Variants in EXT1 observed in about 807,000 individuals in gnomAD.
The protein encoded by EXT1 is exostosin-1.
EXT1 carries 20 observed loss-of-function variants against 82.5 expected under a neutral mutation model. That is an observed-to-expected ratio of 0.24 (90% confidence interval 0.17 to 0.35). The LOEUF (loss-of-function observed/expected upper bound fraction) is 0.35, where lower values mean the gene tolerates loss of function less well. Ranked by LOEUF, EXT1 falls within the 10% of genes least tolerant of loss-of-function variation. The pLI is 1.00. For missense variants in EXT1, 757 were observed against 936.5 expected, an observed-to-expected ratio of 0.81 and a Z score of 2.50; for synonymous variants, 348 against 350.8, an observed-to-expected ratio of 0.99 and a Z score of 0.09.
chr8:117,869,183 T>C (rs557381916), intron 1 of EXT1, among the ~76,000 whole-genome samples: 9 of 152,324 alleles, frequency 5.9e-5, no homozygotes, highest in African/African-American at 2.2e-4. Context: ...TGAACCCCAG[T>C]GAGCCTGCCC....
At chr8:117,860,116 C>T (rs1192132189) in intron 1 of EXT1, among the ~76,000 whole-genome samples, 2 of 132,548 alleles carry the variant, frequency 1.5e-5, no homozygotes, top group East Asian at 2.3e-4. Context: ...TACTGCCCTC[C>T]AGCCTGGGTA....
chr8:118,092,849 C>T (rs747845642), intron 1 of EXT1, among the ~76,000 whole-genome samples: 87 of 152,184 alleles, frequency 5.7e-4, no homozygotes, highest in African/African-American at 2.0e-3. Context: ...AATCACTAGG[C>T]CATTTGTAAA....
chr8:117,906,489 A>G (rs1813546780), intron 1 of EXT1, among the ~76,000 whole-genome samples: 3 of 152,350 alleles, frequency 2.0e-5, no homozygotes, highest in Middle Eastern at 6.8e-3. Flanking sequence ...CTAAGTTGCC[A>G]TCAGTTGAAA....
chr8:118,001,725 A>T (rs1815671018), intron 1 of EXT1, among the ~76,000 whole-genome samples: 1 of 152,190 alleles, frequency 6.6e-6, no homozygotes, highest in Admixed American at 6.5e-5. Flanking sequence ...ATATTTTATA[A>T]ACCAGTGATT....
intron 1 of EXT1, among the ~76,000 whole-genome samples, chr8:117,871,613 G>A (rs1214824008): frequency 6.6e-6 from 1 of 152,178 alleles, no homozygotes; most frequent in Non-Finnish European, 1.5e-5. Context: ...ATGCAAGAAC[G>A]GCTAGGTGGG....
At chr8:118,015,823 G>A (rs574643194) in intron 1 of EXT1, among the ~76,000 whole-genome samples, 1 of 152,288 alleles carries the variant, frequency 6.6e-6, no homozygotes, top group Admixed American at 6.5e-5. Context: ...CCAGTTGACT[G>A]CTGTCCTTAT....
chr8:117,882,925 CAA>C (rs1391511414), intron 1 of EXT1, among the ~76,000 whole-genome samples: 2 of 145,876 alleles, frequency 1.4e-5, no homozygotes, highest in East Asian at 4.0e-4. Flanking sequence ...TGCAGCGAGC[CAA>C]GATCATGCCA....
chr8:117,866,966 G>GA (rs1812784107), intron 1 of EXT1, among the ~76,000 whole-genome samples: 1 of 152,068 alleles, frequency 6.6e-6, no homozygotes, highest in South Asian at 2.1e-4. Flanking sequence ...TTTTAAAAAA[G>GA]AAAGCTTGAG....
intron 1 of EXT1, among the ~76,000 whole-genome samples, chr8:117,840,866 T>C (rs914144007): frequency 6.6e-6 from 1 of 152,186 alleles, no homozygotes; most frequent in Non-Finnish European, 1.5e-5. Context: ...ATGAATGAGA[T>C]ACCACTTTAC....
chr8:117,921,115 C>T (rs1813846855), intron 1 of EXT1, among the ~76,000 whole-genome samples: 2 of 152,168 alleles, frequency 1.3e-5, no homozygotes, highest in South Asian at 4.1e-4. Context: ...AAAGTAACAT[C>T]CTGGTGAGGC....
At chr8:118,012,981 GA>G (rs1336673540) in intron 1 of EXT1, among the ~76,000 whole-genome samples, 1 of 152,046 alleles carries the variant, frequency 6.6e-6, no homozygotes, top group Non-Finnish European at 1.5e-5. Flanking sequence ...TTAAGCAAAT[GA>G]AAACATGCAT....
chr8:117,932,080 G>A (rs987395608), intron 1 of EXT1, among the ~76,000 whole-genome samples: 1 of 152,118 alleles, frequency 6.6e-6, no homozygotes, highest in Non-Finnish European at 1.5e-5. Context: ...TCGAAATTAC[G>A]TAGTTTTACT....
chr8:118,033,011 G>A (rs1014411198), intron 1 of EXT1, among the ~76,000 whole-genome samples: 8 of 152,290 alleles, frequency 5.3e-5, no homozygotes, highest in Non-Finnish European at 1.2e-4. Flanking sequence ...GACTAGGAAA[G>A]GGGTTGCTGC....
intron 1 of EXT1, among the ~76,000 whole-genome samples, chr8:117,847,818 C>A (rs1441484215): frequency 1.3e-5 from 2 of 152,230 alleles, no homozygotes; most frequent in African/African-American, 4.8e-5. Flanking sequence ...CAGAGTCTGT[C>A]CCGTGACCTG....
chr8:117,820,757 A>G (rs948708567), intron 5 of EXT1, among the ~76,000 whole-genome samples: 1 of 152,168 alleles, frequency 6.6e-6, no homozygotes, highest in Admixed American at 6.5e-5. Context: ...ACAAATGACA[A>G]GTACTCAATA....
At chr8:117,984,152 C>T (rs1815263839) in intron 1 of EXT1, among the ~76,000 whole-genome samples, 2 of 152,342 alleles carry the variant, frequency 1.3e-5, no homozygotes, top group South Asian at 2.1e-4. Flanking sequence ...AGCACAGTGG[C>T]TCACACCTGT....
rs957234109 is a variant in EXT1, at chr8:117,824,045, G to A, written c.1285-1448C>T. On this transcript the variant is annotated intron_variant, in intron 4 of 10. Coordinates refer to ENST00000378204, the MANE Select transcript of EXT1 (RefSeq NM_000127.3). ...CATTTATTCCTGCTTTTTATTATTT[G>A]TACTTTCCAAACGTACTGTCTATTT... Among the ~76,000 whole-genome samples, 8 of 152,152 alleles carry A rather than the reference G, an allele frequency of 5.3e-5. No homozygotes were observed. The South Asian group carries it at 1.0e-3, about 20-fold the overall frequency.
intron 1 of EXT1, among the ~76,000 whole-genome samples, chr8:117,919,314 C>G (rs1813812323): frequency 6.7e-6 from 1 of 150,292 alleles, no homozygotes; most frequent in Non-Finnish European, 1.5e-5. Context: ...GCCTCCAGAA[C>G]AGCTGGCACT....
chr8:117,961,117 T>TCC lies in EXT1; in HGVS notation c.963-123917_963-123916insGG, dbSNP rs1563613874. On this transcript the variant is annotated intron_variant, in intron 1 of 10. Coordinates refer to ENST00000378204, the MANE Select transcript of EXT1 (RefSeq NM_000127.3). Reference sequence around the variant, plus strand: ...GGCATTTTCTTAGCCAAAGCATTTCTTTCCCTCCTTCCCTCCTTCCCTCCT... The same window carrying TCC: ...GGCATTTTCTTAGCCAAAGCATTTCTCCTTCCCTCCTTCCCTCCTTCCCTCCT... Among the ~76,000 whole-genome samples the TCC allele has an allele frequency of 1.2e-4, 18 of 149,854 alleles. No individual in the cohort carries two copies. In the East Asian group the frequency reaches 2.6e-3, roughly 21 times the overall value.
Sources: gnomAD v4.1 joint callset for allele counts (sites outside exome capture counted in the v4.1 genomes callset) on GRCh38, gnomAD v4.1.1 for gene constraint, MANE v1.5 for transcripts, NCBI Gene and HGNC (gene_info 2026-07-23, HGNC 2026-07-21) for gene names.